Variants in GNL3L observed in about 807,000 individuals in gnomAD.
GNL3L encodes the protein G protein nucleolar 3 like.
A neutral mutation model predicts 42.9 loss-of-function variants in GNL3L; 4 were observed. The observed-to-expected ratio is 0.09, with a 90% confidence interval of 0.05 to 0.21. The LOEUF (loss-of-function observed/expected upper bound fraction) is 0.21. Among genes scored for constraint, GNL3L ranks in the 10% least tolerant of loss-of-function variants. The pLI is 1.00. For synonymous variants in GNL3L, 159 were observed against 176.3 expected (o/e 0.90, Z 0.78); for missense variants, 412 against 481.7 (o/e 0.86, Z 1.36).
chrX:54,632,026 T>A, the GNL3L span, among the ~76,000 whole-genome samples: 1 of 112,336 alleles, frequency 8.9e-6, no homozygotes, highest in African/African-American at 3.2e-5. Context: ...CCTTCATTTA[T>A]GAAGCTTAGT....
intron 16 of GNL3L, among the ~76,000 whole-genome samples, chrX:54,619,638 G>T (rs1474272715): frequency 9.0e-6 from 1 of 110,836 alleles, no homozygotes; most frequent in East Asian, 2.8e-4. Context: ...TTACGGATGT[G>T]AGCCACTGTG....
intron 16 of GNL3L, among the ~76,000 whole-genome samples, chrX:54,595,119 G>T (rs1453589923): frequency 4.5e-5 from 5 of 111,874 alleles, no homozygotes; most frequent in Non-Finnish European, 9.4e-5. Context: ...AGTGAGTTTT[G>T]TAGCTTCAGA....
chrX:54,623,199 C>G (rs973495731), downstream of GNL3L, among the ~76,000 whole-genome samples: 1 of 111,922 alleles, frequency 8.9e-6, no homozygotes, highest in African/African-American at 3.2e-5. Context: ...CTATTAAGGG[C>G]CCCTTGCAAT....
downstream of GNL3L, among the ~76,000 whole-genome samples, chrX:54,624,320 A>T (rs1926327123): frequency 8.9e-6 from 1 of 111,909 alleles, no homozygotes; most frequent in African/African-American, 3.2e-5. Context: ...GGGCAGCTAT[A>T]ACAAAGTACC....
chrX:54,595,675 C>A (rs373607898), intron 16 of GNL3L, among the ~76,000 whole-genome samples: 1 of 111,624 alleles, frequency 9.0e-6, no homozygotes, highest in East Asian at 2.8e-4. Flanking sequence ...CTTAGATTTG[C>A]CCTTTTGAGG....
chrX:54,641,378 T>G, the GNL3L span, among the ~76,000 whole-genome samples: 6 of 111,482 alleles, frequency 5.4e-5, no homozygotes, highest in Non-Finnish European at 1.1e-4. Context: ...GGTCCTGATC[T>G]GGGTGAAAAA....
At chrX:54,645,084 C>G in the GNL3L span, among the ~76,000 whole-genome samples, 1 of 111,486 alleles carries the variant, frequency 9.0e-6, no homozygotes, top group Non-Finnish European at 1.9e-5. Flanking sequence ...TCACTAAATC[C>G]TATTATTGTT....
chrX:54,621,577 T>C (rs761401286), downstream of GNL3L, among the ~76,000 whole-genome samples: 2 of 111,984 alleles, frequency 1.8e-5, no homozygotes, highest in African/African-American at 6.5e-5. Flanking sequence ...TTTTGGGGTA[T>C]TTTGTTACAC....
Position 54,551,564 on chromosome X carries a change from C to T in GNL3L, c.864-4C>T. The T allele has an allele frequency of 1.7e-6, 2 of 1,207,734 alleles. No individual in the cohort carries two copies. The highest frequency in any genetic ancestry group is 2.2e-6 in the Non-Finnish European group (2 of 892,372). On this transcript the variant is annotated splice_polypyrimidine_tract_variant and splice_region_variant and intron_variant, in intron 10 of 15. Transcript: ENST00000360845. Reference sequence around the variant, plus strand: ...CATCTGGGCTTTCTTCTTCCCCGCCCCAGATTCATGCAGGAGGTCTACCTG... The same window carrying T: ...CATCTGGGCTTTCTTCTTCCCCGCCTCAGATTCATGCAGGAGGTCTACCTG...
chrX:54,551,024 C>A lies in GNL3L; in HGVS notation c.837C>A (p.Ser279Arg). 1 of 1,134,591 alleles carries A rather than the reference C, an allele frequency of 8.8e-7. No homozygotes were observed. The highest frequency in any genetic ancestry group is 1.2e-6 in the Non-Finnish European group (1 of 825,122). The allele number at this position is 1,134,591 out of a possible 1,213,427, so 93.5% of individuals were successfully genotyped here. The change falls in exon 10 of 16, where the codon AGC becomes AGA. Residue 279 changes from serine to arginine, a missense_variant. Ser to Arg is a moderately radical substitution (Grantham distance 110). Coordinates refer to ENST00000360845, the MANE Select transcript of GNL3L (RefSeq NM_001184819.2). ...INSLKRSRAC[S>R]VGAVPGITKF... ...GCCTGAAGCGCAGCCGCGCATGCAG[C>A]GTGGGAGCTGTTCCTGGAATTACCA...
At chrX:54,642,207 G>T in the GNL3L span, among the ~76,000 whole-genome samples, 1 of 112,023 alleles carries the variant, frequency 8.9e-6, no homozygotes, top group Non-Finnish European at 1.9e-5. Flanking sequence ...TACAAGTGAA[G>T]AAACTGAGGC....
chrX:54,642,467 C>CT, the GNL3L span, among the ~76,000 whole-genome samples: 3 of 111,628 alleles, frequency 2.7e-5, no homozygotes, highest in Admixed American at 1.9e-4. Context: ...ACATTGGCCT[C>CT]TGTTTCCAGA....
intron 15 of GNL3L, among the ~76,000 whole-genome samples, chrX:54,559,355 C>T (rs763229010): frequency 4.5e-5 from 5 of 111,630 alleles, no homozygotes; most frequent in Admixed American, 3.8e-4. Context: ...AAATCCTACA[C>T]GTACAAGAGG....
At chrX:54,553,750 A>T (rs780139329) in intron 13 of GNL3L, among the ~76,000 whole-genome samples, 6 of 111,384 alleles carry the variant, frequency 5.4e-5, no homozygotes, top group Admixed American at 2.9e-4. Context: ...CATGTTGGCC[A>T]GGCTGGTCTT....
At chrX:54,599,992 TTCATAA>T (rs1389726529) in intron 16 of GNL3L, among the ~76,000 whole-genome samples, 2 of 110,519 alleles carry the variant, frequency 1.8e-5, no homozygotes, top group Non-Finnish European at 3.8e-5. Flanking sequence ...TTCAAGCACA[TTCATAA>T]TTGCTTGTTG....
chrX:54,631,126 T>A, the GNL3L span, among the ~76,000 whole-genome samples: 2 of 111,405 alleles, frequency 1.8e-5, no homozygotes, highest in East Asian at 5.6e-4. Context: ...TTTTCTTAAA[T>A]GTATTGAGAC....
At chrX:54,558,171 C>T (rs928306760) in intron 14 of GNL3L, among the ~76,000 whole-genome samples, 1 of 111,263 alleles carries the variant, frequency 9.0e-6, no homozygotes, top group African/African-American at 3.3e-5. Flanking sequence ...CATGAGCCAC[C>T]GTGCCTGGCC....
intron 16 of GNL3L, among the ~76,000 whole-genome samples, chrX:54,598,561 A>G (rs1351356844): frequency 5.3e-5 from 6 of 112,291 alleles, no homozygotes; most frequent in African/African-American, 1.9e-4. Context: ...CAGATATGAT[A>G]CAGATATTGG....
intron 2 of GNL3L, among the ~76,000 whole-genome samples, chrX:54,533,180 C>T (rs1391397715): frequency 2.7e-5 from 3 of 110,289 alleles, no homozygotes; most frequent in African/African-American, 9.9e-5. Flanking sequence ...GTAACCCCGA[C>T]ATGTCCTAAC....
Sources: gnomAD v4.1 joint callset for allele counts (sites outside exome capture counted in the v4.1 genomes callset) on GRCh38, gnomAD v4.1.1 for gene constraint, MANE v1.5 for transcripts, NCBI Gene and HGNC (gene_info 2026-07-23, HGNC 2026-07-21) for gene names.